The following LACTB variants were observed in gnomAD, a reference collection of about 807,000 sequenced individuals.
LACTB encodes the protein serine beta-lactamase-like protein LACTB, mitochondrial.
Under a neutral mutation model 50.2 loss-of-function variants are expected in LACTB, and 35 were observed. The ratio of observed to expected loss-of-function variants is 0.70; its 90% CI spans 0.53 to 0.92. The LOEUF is 0.92. LACTB is among the 40% of genes least tolerant of loss of function. The pLI, the probability that LACTB is intolerant of heterozygous loss-of-function variation, is 0.00. For missense variants in LACTB, 664 were observed against 691.8 expected (o/e 0.96, Z 0.45); for synonymous variants, 252 against 268.2 (o/e 0.94, Z 0.59).
chr15:63,126,740 G>T, intron 2 of LACTB, 119 bp from the exon 3 acceptor site: 1 of 511,976 alleles, frequency 2.0e-6, no homozygotes, highest in Non-Finnish European at 3.4e-6. Flanking sequence ...TTATAAAAGT[G>T]GAGTATCTTT....
rs774327364 is a variant in LACTB, at chr15:63,127,684, A to G, written c.947A>G (p.Lys316Arg). The G allele has an allele frequency of 3.8e-6, 6 of 1,576,422 alleles. No individual in the cohort carries two copies. Among genetic ancestry groups the G allele is most frequent in the East Asian group, 2.2e-5 (1 of 44,658 alleles). ...RLFKNDPLFF[K>R]PGSQFLYSTF... ...TTTAAAAATGATCCTTTGTTCTTCAAACCTGGTGAGTGTTAATCCCTTCTC... is the reference window on the plus strand; with the variant it reads ...TTTAAAAATGATCCTTTGTTCTTCAGACCTGGTGAGTGTTAATCCCTTCTC... Residue 316 changes from lysine to arginine, a missense_variant, in exon 4 of 6, where the codon AAA becomes AGA. Coordinates refer to ENST00000261893, the MANE Select transcript of LACTB (RefSeq NM_032857.5).
chr15:63,122,309 A>G, intron 1 of LACTB, 81 bp downstream of exon 1: 1 of 1,223,682 alleles, frequency 8.2e-7, no homozygotes, highest in Non-Finnish European at 1.1e-6. Flanking sequence ...AGTGGACCCC[A>G]CCCGGGGCGG....
At chr15:63,139,854 T>G (rs1300438618) in intron 5 of LACTB, among the ~76,000 whole-genome samples, 1 of 60,780 alleles carries the variant, frequency 1.6e-5, no homozygotes, top group African/African-American at 3.9e-5. Context: ...TCCCAGCACT[T>G]TGGGAGGCAG....
intron 5 of LACTB, among the ~76,000 whole-genome samples, chr15:63,136,047 T>A (rs1383134166): frequency 6.6e-6 from 1 of 150,964 alleles, no homozygotes; most frequent in South Asian, 2.1e-4. Flanking sequence ...CTTTTCTTTT[T>A]TTTTTTTTTT....
chr15:63,132,199 C>G (rs1430142018), intron 5 of LACTB, among the ~76,000 whole-genome samples: 1 of 152,144 alleles, frequency 6.6e-6, no homozygotes, highest in Non-Finnish European at 1.5e-5. Context: ...CCCTTGCCCT[C>G]CTCCCTGCGT....
Position 63,141,971 on chromosome 15 carries a change from A to C in LACTB, c.*166A>C. The C allele has an allele frequency of 3.4e-6, 2 of 595,562 alleles. No homozygotes were observed. Among genetic ancestry groups the C allele is most frequent in the Non-Finnish European group, 5.7e-6 (2 of 349,028 alleles). 36.9% of individuals were successfully genotyped at this position (595,562 alleles called of 1,614,324 possible). ...ATTTTGTAATGGTCTTTTATTGTAG[A>C]ATTGGTTCTTTATACTCAGGGAAGT... On this transcript the variant is annotated 3_prime_UTR_variant, in exon 6 of 6. Coordinates refer to ENST00000261893, the MANE Select transcript of LACTB (RefSeq NM_032857.5).
Position 63,122,024 on chromosome 15 carries a change from G to C in LACTB, c.153G>C (p.Ala51=). 1 of 1,402,230 alleles carries C rather than the reference G, an allele frequency of 7.1e-7. No individual in the cohort carries two copies. Among genetic ancestry groups the C allele is most frequent in the Non-Finnish European group, 9.2e-7 (1 of 1,087,028 alleles). 86.9% of individuals were successfully genotyped at this position (1,402,230 alleles called of 1,614,324 possible). The change falls in exon 1 of 6, where the codon GCG becomes GCC. Residue 51 remains alanine, a synonymous_variant. Transcript: ENST00000261893. The stretch of plus-strand genomic sequence containing the variant: ...GCCTCGGGCTGGGGCTGGGGCTGGC[G>C]CTCGGGGTGAAGCTGGCAGGTGGGC... ...VGGLGLGLGL[A]LGVKLAGGLR...
intron 5 of LACTB, chr15:63,130,523 A>AAAAC (rs201472257): frequency 9.2e-5 from 12 of 129,964 alleles, no homozygotes; most frequent in Non-Finnish European, 1.7e-4. Flanking sequence ...AGGAAAAAAA[A>AAAAC]AAAAAAAAAA....
intron 4 of LACTB, among the ~76,000 whole-genome samples, chr15:63,128,745 A>AT (rs1428184581): frequency 1.3e-5 from 2 of 151,858 alleles, no homozygotes; most frequent in African/African-American, 2.4e-5. Context: ...ATTTTATTTT[A>AT]TTTATTTATT....
intron 5 of LACTB, among the ~76,000 whole-genome samples, chr15:63,133,201 C>G (rs944418045): frequency 6.6e-6 from 1 of 152,144 alleles, no homozygotes; most frequent in South Asian, 2.1e-4. Context: ...GATTCATTTA[C>G]CACTATAATA....
chr15:63,122,122 A>G lies in LACTB; in HGVS notation c.251A>G (p.Gln84Arg). ...PEASPLAEPP[Q>R]EQSLAPWSPQ... ...GCGTCGCCTCTGGCCGAGCCGCCAC[A>G]GGAGCAGTCCCTCGCCCCGTGGTCT... The change falls in exon 1 of 6, where the codon CAG (glutamine) becomes CGG (arginine). Residue 84 changes from glutamine to arginine, a missense_variant. Coordinates refer to ENST00000261893, the MANE Select transcript of LACTB (RefSeq NM_032857.5). The G allele has an allele frequency of 2.7e-6, 4 of 1,487,968 alleles. No homozygotes were observed. The highest frequency in any genetic ancestry group is 3.6e-6 in the Non-Finnish European group (4 of 1,126,706). The allele number at this position is 1,487,968 out of a possible 1,614,324, so 92.2% of individuals were successfully genotyped here.
At position 63,141,739 on chromosome 15, in the gene LACTB, A is replaced by T; in HGVS notation, c.1578A>T (p.Gln526His). Residue 526 changes from glutamine (Q) to histidine (H), a missense_variant, in exon 6 of 6, where the codon CAA becomes CAT. By Grantham distance (24) the Gln-to-His change is conservative. Coordinates refer to ENST00000261893, the MANE Select transcript of LACTB (RefSeq NM_032857.5). ...TTGTTTCTATCATATGTAACATGCA[A>T]TCTGTTGGCCTCAATAGCACCGCTT... The part of the protein sequence containing the change: ...GIIVSIICNM[Q>H]SVGLNSTALK... 1 of 1,614,146 alleles carries T rather than the reference A, an allele frequency of 6.2e-7. No homozygotes were observed. Among genetic ancestry groups the T allele is most frequent in the Non-Finnish European group, 8.5e-7 (1 of 1,180,024 alleles).
At chr15:63,133,522 G>T (rs1302058119) in intron 5 of LACTB, among the ~76,000 whole-genome samples, 1 of 152,178 alleles carries the variant, frequency 6.6e-6, no homozygotes, top group Non-Finnish European at 1.5e-5. Context: ...TAATCAGGAG[G>T]AGAGGATCAC....
At chr15:63,134,717 G>A (rs2037160299) in intron 5 of LACTB, among the ~76,000 whole-genome samples, 1 of 152,124 alleles carries the variant, frequency 6.6e-6, no homozygotes, top group South Asian at 2.1e-4. Flanking sequence ...TACTAATGAA[G>A]AAGAGTCAAT....
At chr15:63,139,778 C>CT (rs1248544410) in intron 5 of LACTB, among the ~76,000 whole-genome samples, 1 of 152,026 alleles carries the variant, frequency 6.6e-6, no homozygotes, top group Non-Finnish European at 1.5e-5. Context: ...GAGCAAGACT[C>CT]TGTCTCAAAA....
At position 63,126,849 on chromosome 15, in the gene LACTB, T is replaced by C. The variant is rs771781864; in HGVS notation, c.425-10T>C. 57 of 1,479,682 alleles carry C rather than the reference T, an allele frequency of 3.9e-5. No individual in the cohort carries two copies. The highest frequency in any genetic ancestry group is 1.3e-4 in the Admixed American group (6 of 44,872). The allele number at this position is 1,479,682 out of a possible 1,614,324, so 91.7% of individuals were successfully genotyped here. A position where few individuals can be genotyped will look rare whatever the true frequency, so the allele number is the denominator to read the frequency against. On this transcript the variant is annotated splice_polypyrimidine_tract_variant and intron_variant, in intron 2 of 5. Transcript: ENST00000261893. ...TGTTAATAGTGACTTTTTGCTTTTT[T>C]CCCCCAAAGGTTTAGGTTATGCTGA... is the stretch of plus-strand genomic sequence containing the variant.
chr15:63,127,775 C>A, intron 4 of LACTB, 86 bp downstream of exon 4: 1 of 925,070 alleles, frequency 1.1e-6, no homozygotes, highest in Non-Finnish European at 1.6e-6. Flanking sequence ...ATCCGGAGTG[C>A]ATTCATTGAG....
intron 5 of LACTB, among the ~76,000 whole-genome samples, chr15:63,136,232 G>A (rs2037175258): frequency 6.6e-6 from 1 of 152,106 alleles, no homozygotes; most frequent in East Asian, 1.9e-4. Flanking sequence ...TTGTAGAGAT[G>A]AGATCTTGCT....
rs1444806023 is a variant in LACTB at position 63,126,879 on chromosome 15, G to C, written c.445G>C (p.Glu149Gln). The C allele has an allele frequency of 4.4e-6, 7 of 1,585,266 alleles. No individual in the cohort carries two copies. The highest frequency in any genetic ancestry group is 6.0e-6 in the Non-Finnish European group (7 of 1,161,984). The change falls in exon 3 of 6, where the codon GAG (glutamate) becomes CAG (glutamine). Residue 149 changes from glutamate to glutamine, a missense_variant. Transcript: ENST00000261893. ...WSEGLGYADV[E>Q]NRVPCKPETV... ...CAAAGGTTTAGGTTATGCTGATGTT[G>C]AGAACCGTGTACCATGTAAACCAGA... is the stretch of plus-strand genomic sequence containing the variant.
Sources: gnomAD v4.1 joint callset for allele counts (sites outside exome capture counted in the v4.1 genomes callset) on GRCh38, gnomAD v4.1.1 for gene constraint, MANE v1.5 for transcripts, NCBI Gene and HGNC (gene_info 2026-07-23, HGNC 2026-07-21) for gene names.